The following RAB11FIP1 variants were observed in gnomAD, a reference collection of about 807,000 sequenced individuals.
RAB11FIP1 encodes RAB11 family interacting protein 1, also known as rab11 family-interacting protein 1.
Under a neutral mutation model 83.1 loss-of-function variants are expected in RAB11FIP1, and 49 were observed. That is an observed-to-expected ratio of 0.59 (90% confidence interval 0.47 to 0.75). The LOEUF is 0.75. RAB11FIP1 is among the 30% of genes least tolerant of loss of function. The probability of loss-of-function intolerance (pLI) is 0.00; values close to 1 mark genes in which losing one functional copy is unlikely to be tolerated. For synonymous variants in RAB11FIP1, 670 were observed against 656.0 expected (o/e 1.02, Z -0.33); for missense variants, 1,536 against 1,598.7 (o/e 0.96, Z 0.67).
intron 1 of RAB11FIP1, among the ~76,000 whole-genome samples, chr8:37,893,480 T>A (rs1452665420): frequency 6.6e-6 from 1 of 152,076 alleles, no homozygotes; most frequent in Non-Finnish European, 1.5e-5. Flanking sequence ...CATTAAAAAA[T>A]ATTGACTACA....
chr8:37,863,617 T>C (rs1037648613), intron 5 of RAB11FIP1, among the ~76,000 whole-genome samples: 4 of 152,220 alleles, frequency 2.6e-5, no homozygotes, highest in African/African-American at 9.6e-5. Flanking sequence ...AAGGGCCAGA[T>C]AGCACATATT....
intron 1 of RAB11FIP1, among the ~76,000 whole-genome samples, 171 bp downstream of exon 1, chr8:37,898,900 A>G (rs1010297305): frequency 6.6e-6 from 1 of 151,788 alleles, no homozygotes; most frequent in Non-Finnish European, 1.5e-5. Flanking sequence ...TGGGCGGGAC[A>G]GCCGCAGAAG....
At chr8:37,895,259 A>ATTTT in intron 1 of RAB11FIP1, among the ~76,000 whole-genome samples, 1 of 7,390 alleles carries the variant, frequency 1.4e-4, no homozygotes, top group Non-Finnish European at 2.1e-4. Flanking sequence ...ATATATATAT[A>ATTTT]TTTTTTTTTT....
Position 37,899,373 on chromosome 8 carries a change from C to T in RAB11FIP1, c.69G>A (p.Thr23=), listed in dbSNP as rs757767892. 27 of 1,603,998 alleles carry T rather than the reference C, an allele frequency of 1.7e-5. No individual in the cohort carries two copies. The highest frequency in any genetic ancestry group is 2.3e-5 in the Non-Finnish European group (27 of 1,176,298). The change falls in exon 1 of 6, where the codon ACG becomes ACA. Residue 23 remains threonine, a synonymous_variant. Transcript: ENST00000330843. This position sits in a 1 kb window ranked among gnomAD's most constrained non-coding sequence, Gnocchi z 4.5. Reference sequence around the variant, plus strand: ...CCCGCAGGCCCCGCGCCTGCAGCACCGTCACCTGCACGTGGGTTGGGGACC... The same window carrying T: ...CCCGCAGGCCCCGCGCCTGCAGCACTGTCACCTGCACGTGGGTTGGGGACC... ...AVWSPTHVQV[T]VLQARGLRAK...
intron 1 of RAB11FIP1, among the ~76,000 whole-genome samples, chr8:37,892,625 T>G (rs1380226248): frequency 6.6e-6 from 1 of 151,998 alleles, no homozygotes; most frequent in East Asian, 1.9e-4. Flanking sequence ...TTTTGTACTT[T>G]TAGTAGAGCC....
chr8:37,878,441 G>A (rs953250358), intron 1 of RAB11FIP1, among the ~76,000 whole-genome samples: 2 of 149,848 alleles, frequency 1.3e-5, no homozygotes, highest in African/African-American at 4.9e-5. Flanking sequence ...GACCGTGGCA[G>A]GAGAATCACT....
At chr8:37,876,978 C>T (rs984340677) in intron 2 of RAB11FIP1, 131 bp downstream of exon 2, 10 of 732,112 alleles carry the variant, frequency 1.4e-5, no homozygotes, top group Non-Finnish European at 2.0e-5. Context: ...TCATCATCCC[C>T]ACCACCATGA....
chr8:37,858,902 A>C lies in RAB11FIP1; in HGVS notation c.*3993T>G, dbSNP rs1452893112. On this transcript the variant is annotated 3_prime_UTR_variant, in exon 6 of 6. Coordinates refer to ENST00000330843, the MANE Select transcript of RAB11FIP1 (RefSeq NM_001002814.3). ...CCACCAAGAGAGGTTTTCCAGGAAG[A>C]CAAAATAAATTTTTATTGCACCCAT... is the stretch of plus-strand genomic sequence containing the variant. The C allele has an allele frequency of 6.6e-6, 1 of 152,202 alleles. No individual in the cohort carries two copies. Among genetic ancestry groups the C allele is most frequent in the South Asian group, 2.1e-4 (1 of 4,830 alleles). 9.4% of individuals were successfully genotyped at this position (152,202 alleles called of 1,614,324 possible). A position where few individuals can be genotyped will look rare whatever the true frequency, so the allele number is the denominator to read the frequency against.
At position 37,875,127 on chromosome 8, in the gene RAB11FIP1, T is replaced by A; in HGVS notation, c.1010A>T (p.Asp337Val). ...EQPEAKGEIK[D>V]SSPSSSPSPK... is the part of the protein sequence containing the mutation. ...GGATGGGGAGGAGGACGGGCTGCTATCCTTGATCTCACCCTTGGCTTCTGG... is the reference window on the plus strand; with the variant it reads ...GGATGGGGAGGAGGACGGGCTGCTAACCTTGATCTCACCCTTGGCTTCTGG... The change falls in exon 3 of 6, where the codon GAT (aspartate) becomes GTT (valine). Residue 337 changes from aspartate to valine, a missense_variant. Transcript: ENST00000330843. 1.2e-6 allele frequency: 2 copies of A among 1,614,120 alleles called. No homozygotes were observed. Among genetic ancestry groups the A allele is most frequent in the African/African-American group, 1.3e-5 (1 of 75,032 alleles).
Position 37,874,852 on chromosome 8 carries a change from GCTT to G in RAB11FIP1, c.1282_1284del (p.Lys428del). 1 of 1,614,106 alleles carries G rather than the reference GCTT, an allele frequency of 6.2e-7. No individual in the cohort carries two copies. Among genetic ancestry groups the G allele is most frequent in the African/African-American group, 1.3e-5 (1 of 75,022 alleles). Reference sequence around the variant, plus strand: ...AGCAAAGAGGACCTCCTGCTCTCTGGCTTCTTGCTCTCCTTAGCTTCTTTTGTG... The same window carrying G: ...AGCAAAGAGGACCTCCTGCTCTCTGGCTTGCTCTCCTTAGCTTCTTTTGTG... On this transcript the variant is annotated inframe_deletion, in exon 3 of 6. Transcript: ENST00000330843.
At chr8:37,884,115 A>C (rs1806775702) in intron 1 of RAB11FIP1, among the ~76,000 whole-genome samples, 1 of 151,918 alleles carries the variant, frequency 6.6e-6, no homozygotes, top group Non-Finnish European at 1.5e-5. Context: ...CCCAGGCTGG[A>C]GTACAGTGGC....
intron 3 of RAB11FIP1, among the ~76,000 whole-genome samples, chr8:37,874,009 G>A (rs1439249013): frequency 6.6e-6 from 1 of 152,190 alleles, no homozygotes; most frequent in African/African-American, 2.4e-5. Flanking sequence ...CAGTCCCCAA[G>A]GCTTATGCCG....
chr8:37,877,747 T>C (rs1806648322), intron 1 of RAB11FIP1, 196 bp from the exon 2 acceptor site: 1 of 471,974 alleles, frequency 2.1e-6, no homozygotes, highest in African/African-American at 2.5e-5. Flanking sequence ...TGACACAGAG[T>C]CTTGCTCTGT....
In RAB11FIP1 at chr8:37,872,436, C is replaced by T. The variant is rs762368055; in HGVS notation, c.2366G>A (p.Arg789Gln). The T allele has an allele frequency of 1.1e-5, 17 of 1,613,996 alleles. No individual in the cohort carries two copies. The highest frequency in any genetic ancestry group is 6.6e-5 in the South Asian group (6 of 91,076). ...ASVPSIDSMM[R>Q]KLEEMGLNLR... ...GTTCAGACCCATCTCTTCCAGCTTC[C>T]GCATCATGGAATCAATGGAAGGGAC... Residue 789 changes from arginine to glutamine, a missense_variant, in exon 4 of 6, where the codon CGG (arginine) becomes CAG (glutamine). Transcript: ENST00000330843.
rs1441668431 is a variant in RAB11FIP1, at chr8:37,872,952, A to G, written c.1850T>C (p.Leu617Pro). ...AGACTTGGCCTGGCCCCTGTCTACG[A>G]GAGGCCAGCTTTCAATTGGAGTGGA... ...STSTPIESWP[L>P]VDRGQAKSEG... The change falls in exon 4 of 6, where the codon CTC becomes CCC. Residue 617 changes from leucine to proline, a missense_variant. Physicochemically the swap from Leu to Pro is moderately conservative, Grantham distance 98 (BLOSUM62 -3). Coordinates refer to ENST00000330843, the MANE Select transcript of RAB11FIP1 (RefSeq NM_001002814.3). 6.2e-7 allele frequency: 1 copy of G among 1,614,204 alleles called. No individual in the cohort carries two copies. Among genetic ancestry groups the G allele is most frequent in the South Asian group, 1.1e-5 (1 of 91,084 alleles).
chr8:37,872,313 C>T lies in RAB11FIP1; in HGVS notation c.2489G>A (p.Gly830Glu). The change falls in exon 4 of 6, where the codon GGA becomes GAA. Residue 830 changes from glycine (G) to glutamate (E), a missense_variant. Transcript: ENST00000330843. Reference sequence around the variant, plus strand: ...CAGCTCCTGGGGACAACTGCTGTGTCCTTCCACCAGCAAGGCAGCCCCCGC... The same window carrying T: ...CAGCTCCTGGGGACAACTGCTGTGTTCTTCCACCAGCAAGGCAGCCCCCGC... ...AVAGAALLVE[G>E]HSSCPQELNP... 8 of 1,614,096 alleles carry T rather than the reference C, an allele frequency of 5.0e-6. No individual in the cohort carries two copies. Among genetic ancestry groups the T allele is most frequent in the Non-Finnish European group, 6.8e-6 (8 of 1,179,978 alleles).
chr8:37,888,104 G>T lies in RAB11FIP1; in HGVS notation c.372-10553C>A, dbSNP rs1409397879. ...TGCATTATATAATTTCCAAAATTAT[G>T]TATCTGTTTATCTATTTTTTGAGAC... On this transcript the variant is annotated intron_variant, in intron 1 of 5. Coordinates refer to ENST00000330843, the MANE Select transcript of RAB11FIP1 (RefSeq NM_001002814.3). Among the ~76,000 whole-genome samples the T allele has an allele frequency of 2.0e-5, 3 of 152,304 alleles. No homozygotes were observed. In the East Asian group the frequency reaches 5.8e-4, roughly 29 times the overall value.
intron 1 of RAB11FIP1, 110 bp downstream of exon 1, chr8:37,898,961 G>C (rs1439983976): frequency 2.6e-6 from 3 of 1,164,478 alleles, no homozygotes; most frequent in Admixed American, 3.9e-5. Flanking sequence ...GTCCCGAAAG[G>C]CCTTCCCCGC....
At chr8:37,893,985 AGCAGTTT>A (rs1807009231) in intron 1 of RAB11FIP1, among the ~76,000 whole-genome samples, 1 of 152,188 alleles carries the variant, frequency 6.6e-6, no homozygotes, top group Admixed American at 6.6e-5. Flanking sequence ...CTCTGTTATA[AGCAGTTT>A]AGGGTTGTTT....
Sources: gnomAD v4.1 joint callset for allele counts (sites outside exome capture counted in the v4.1 genomes callset) on GRCh38, gnomAD v4.1.1 for gene constraint, Gnocchi (gnomAD v3.1) non-coding constraint, MANE v1.5 for transcripts, NCBI Gene and HGNC (gene_info 2026-07-23, HGNC 2026-07-21) for gene names.